Variants in OSBPL10 observed in about 807,000 individuals in gnomAD.
OSBPL10 encodes oxysterol binding protein like 10, also known as oxysterol-binding protein-related protein 10.
Under a neutral mutation model 81.7 loss-of-function variants are expected in OSBPL10, and 49 were observed. The ratio of observed to expected loss-of-function variants is 0.60; its 90% CI spans 0.48 to 0.76. The LOEUF (loss-of-function observed/expected upper bound fraction) is 0.76. Among genes scored for constraint, OSBPL10 ranks in the 30% least tolerant of loss-of-function variants. OSBPL10 has a pLI of 0.00. For synonymous variants in OSBPL10, 419 were observed against 383.6 expected (o/e 1.09, Z -1.08); for missense variants, 923 against 987.8 (o/e 0.93, Z 0.88).
At chr3:31,885,927 G>A (rs60672727) in intron 1 of OSBPL10, among the ~76,000 whole-genome samples, 28,144 of 148,774 alleles carry the variant, frequency 0.19, 2,892 homozygotes, top group Non-Finnish European at 0.23. Context: ...CCCAGGATGC[G>A]GAGGTTGCAG....
intron 3 of OSBPL10, among the ~76,000 whole-genome samples, chr3:31,838,633 G>A (rs948761909): frequency 6.6e-6 from 1 of 151,792 alleles, no homozygotes; most frequent in Non-Finnish European, 1.5e-5. Flanking sequence ...CTCACTTGAG[G>A]TAAGTCACTC....
intron 1 of OSBPL10, among the ~76,000 whole-genome samples, chr3:31,970,387 T>A (rs2125488990): frequency 6.6e-6 from 1 of 152,342 alleles, no homozygotes; most frequent in East Asian, 1.9e-4. Flanking sequence ...CCAGCCATCA[T>A]TTCCATATTC....
intron 4 of OSBPL10, chr3:31,794,872 C>A: frequency 2.6e-6 from 1 of 379,088 alleles, no homozygotes; most frequent in Non-Finnish European, 5.2e-6. Flanking sequence ...CACTGAAAAC[C>A]TTCATCAGCA....
intron 4 of OSBPL10, among the ~76,000 whole-genome samples, chr3:31,806,497 T>C (rs776253324): frequency 5.3e-5 from 8 of 152,164 alleles, no homozygotes; most frequent in East Asian, 1.9e-4. Flanking sequence ...AGTGCAAGGG[T>C]CATTCCTTCT....
At chr3:32,058,346 T>G (rs1030576574) in intron 1 of OSBPL10, among the ~76,000 whole-genome samples, 1 of 152,178 alleles carries the variant, frequency 6.6e-6, no homozygotes, top group African/African-American at 2.4e-5. Flanking sequence ...GTTTTGTTTT[T>G]TTGAGACAGA....
chr3:32,050,596 G>C (rs766372354), intron 1 of OSBPL10, among the ~76,000 whole-genome samples: 3 of 151,918 alleles, frequency 2.0e-5, no homozygotes, highest in Non-Finnish European at 4.4e-5. Context: ...TTTTGGTAAA[G>C]TTCAAAGGCC....
intron 1 of OSBPL10, among the ~76,000 whole-genome samples, chr3:31,893,069 C>G (rs2125662127): frequency 6.6e-6 from 1 of 152,194 alleles, no homozygotes; most frequent in Middle Eastern, 3.4e-3. Context: ...ACGGAAACAG[C>G]CTGAAATGTT....
chr3:31,678,781 ACTGTGTGTGTGTGTGTGT>A, intron 8 of OSBPL10, among the ~76,000 whole-genome samples: 1 of 99,260 alleles, frequency 1.0e-5, no homozygotes, highest in African/African-American at 4.2e-5. Context: ...ACAGATTCAA[ACTGTGTGTGTGTGTGTGT>A]GTGTGTGTGT....
chr3:32,047,597 T>C (rs769243457), intron 1 of OSBPL10, among the ~76,000 whole-genome samples: 5 of 152,130 alleles, frequency 3.3e-5, no homozygotes, highest in Non-Finnish European at 7.4e-5. Flanking sequence ...CAGCCAGTGG[T>C]CACTTTTGTC....
At position 31,733,356 on chromosome 3, in the gene OSBPL10, A is replaced by T. The variant is rs1418471544; in HGVS notation, c.996T>A (p.Asn332Lys). 6.2e-7 allele frequency: 1 copy of T among 1,613,950 alleles called. No individual in the cohort carries two copies. Reference protein sequence around the residue: ...SKSHSTEQLKNGTLGSLPSAS... With the variant: ...SKSHSTEQLKKGTLGSLPSAS... ...CTGATGGCAAAGAGCCAAGTGTCCC[A>T]TTTTTCAGCTGCTCTGTGGAATGTG... The change falls in exon 6 of 12, where the codon AAT (asparagine) becomes AAA (lysine). Residue 332 changes from asparagine (N) to lysine (K), a missense_variant. By Grantham distance (94) the Asn-to-Lys change is moderately conservative. This residue lies in a region of OSBPL10 where 514 missense variants were observed against 508.0 expected (regional missense o/e 1.01). Coordinates refer to ENST00000396556, the MANE Select transcript of OSBPL10 (RefSeq NM_017784.5).
intron 1 of OSBPL10, among the ~76,000 whole-genome samples, chr3:31,953,010 G>C (rs939942323): frequency 1.6e-4 from 23 of 144,338 alleles, no homozygotes; most frequent in African/African-American, 6.0e-4. Flanking sequence ...TCGGCTCACT[G>C]CAACCTCCGC....
At chr3:31,814,537 C>T (rs1023978675) in intron 4 of OSBPL10, among the ~76,000 whole-genome samples, 1 of 152,098 alleles carries the variant, frequency 6.6e-6, no homozygotes. Context: ...GAGAACGCCA[C>T]AGGACACAGG....
chr3:31,864,923 G>A (rs180709652), intron 3 of OSBPL10, among the ~76,000 whole-genome samples: 28 of 152,016 alleles, frequency 1.8e-4, no homozygotes, highest in African/African-American at 3.4e-4. Flanking sequence ...TAGCTGACCC[G>A]GACCACAGAG....
intron 7 of OSBPL10, among the ~76,000 whole-genome samples, chr3:31,699,984 G>A (rs1422859305): frequency 6.6e-6 from 1 of 152,126 alleles, no homozygotes; most frequent in Non-Finnish European, 1.5e-5. Context: ...AGAGAAAAGG[G>A]GACAGTACGG....
chr3:32,037,743 G>T (rs966651736), intron 2 of OSBPL10: 1 of 156,206 alleles, frequency 6.4e-6, no homozygotes, highest in African/African-American at 2.4e-5. Flanking sequence ...CCACCCAGTT[G>T]TCTCTCAGCC....
At chr3:31,892,299 CGT>C (rs1695915782) in intron 1 of OSBPL10, among the ~76,000 whole-genome samples, 1 of 152,140 alleles carries the variant, frequency 6.6e-6, no homozygotes, top group Non-Finnish European at 1.5e-5. Flanking sequence ...GGGCTAAAGA[CGT>C]AGGCAATGCA....
At chr3:31,774,172 A>G (rs1698474876) in intron 4 of OSBPL10, among the ~76,000 whole-genome samples, 1 of 151,472 alleles carries the variant, frequency 6.6e-6, no homozygotes, top group African/African-American at 2.4e-5. Context: ...CAAAAAAAAA[A>G]AAAAAAAGAA....
intron 5 of OSBPL10, among the ~76,000 whole-genome samples, chr3:31,746,273 G>T (rs1575517266): frequency 6.6e-6 from 1 of 152,190 alleles, no homozygotes; most frequent in South Asian, 2.1e-4. Context: ...GTTTACTGCA[G>T]CGAGGTGAGT....
At chr3:31,942,832 T>A (rs1333202614) in intron 1 of OSBPL10, among the ~76,000 whole-genome samples, 1 of 152,236 alleles carries the variant, frequency 6.6e-6, no homozygotes, top group African/African-American at 2.4e-5. Flanking sequence ...TTATGTCAAA[T>A]TTTTTAAATC....
Sources: allele counts gnomAD v4.1 joint callset (sites outside exome capture counted in the v4.1 genomes callset), GRCh38; gene constraint gnomAD v4.1.1; regional missense constraint gnomAD v4.1.1; transcripts MANE v1.5; gene names NCBI Gene and HGNC (gene_info 2026-07-23, HGNC 2026-07-21).